SUPT3H: variants seen among roughly 807,000 people sequenced by gnomAD.
SUPT3H encodes the protein SPT3 homolog, SAGA and STAGA complex component, also known as transcription initiation protein SPT3 homolog.
In SUPT3H, 44 loss-of-function variants were observed where a neutral mutation model predicts 44.3. The ratio of observed to expected loss-of-function variants is 0.99; its 90% CI spans 0.78 to 1.28. The LOEUF (loss-of-function observed/expected upper bound fraction) is 1.28, where lower values mean the gene tolerates loss of function less well. SUPT3H is among the 50% of genes most tolerant of loss of function. The pLI, the probability that SUPT3H is intolerant of heterozygous loss-of-function variation, is 0.00. For missense variants in SUPT3H, 380 were observed against 387.1 expected (o/e 0.98, Z 0.15); for synonymous variants, 124 against 125.6 (o/e 0.99, Z 0.09).
At chr6:45,182,736 G>A (rs147492355) in intron 2 of SUPT3H, among the ~76,000 whole-genome samples, 2 of 152,200 alleles carry the variant, frequency 1.3e-5, no homozygotes, top group Admixed American at 1.3e-4. Flanking sequence ...ATGACTTATC[G>A]TTACTTTGAA....
chr6:45,348,405 G>C (rs1473086194), intron 2 of SUPT3H, among the ~76,000 whole-genome samples: 2 of 150,860 alleles, frequency 1.3e-5, no homozygotes, highest in African/African-American at 4.9e-5. Flanking sequence ...GGTGGCTCAC[G>C]CCTGTAATCC....
At chr6:45,248,450 T>C (rs986843500) in intron 2 of SUPT3H, among the ~76,000 whole-genome samples, 1 of 152,152 alleles carries the variant, frequency 6.6e-6, no homozygotes, top group East Asian at 1.9e-4. Context: ...GCTGAGCAGA[T>C]ACTTCACCAA....
chr6:45,335,917 C>G (rs1310901467), intron 2 of SUPT3H, among the ~76,000 whole-genome samples: 1 of 151,122 alleles, frequency 6.6e-6, no homozygotes, highest in Non-Finnish European at 1.5e-5. Flanking sequence ...TTATAAGAGT[C>G]AATGCAAAAA....
chr6:45,272,218 G>A (rs1269870198), intron 2 of SUPT3H, among the ~76,000 whole-genome samples: 2 of 152,146 alleles, frequency 1.3e-5, no homozygotes, highest in Non-Finnish European at 2.9e-5. Context: ...TGAAATGTGA[G>A]GACATGAGAT....
chr6:44,995,901 T>C (rs1156497881), intron 6 of SUPT3H, among the ~76,000 whole-genome samples: 1 of 152,004 alleles, frequency 6.6e-6, no homozygotes, highest in East Asian at 1.9e-4. Flanking sequence ...CATCCTCCAC[T>C]GTCAGCCACT....
intron 5 of SUPT3H, among the ~76,000 whole-genome samples, chr6:45,010,654 A>T (rs553838355): frequency 6.6e-6 from 1 of 152,150 alleles, no homozygotes; most frequent in Non-Finnish European, 1.5e-5. Flanking sequence ...ATCTTGTTGT[A>T]TCCACATATG....
chr6:45,062,602 G>A (rs949999560), intron 3 of SUPT3H, among the ~76,000 whole-genome samples: 7 of 152,164 alleles, frequency 4.6e-5, no homozygotes, highest in East Asian at 3.9e-4. Context: ...CAGTGGGTGC[G>A]CGCACCATGC....
intron 2 of SUPT3H, among the ~76,000 whole-genome samples, chr6:45,283,739 A>G (rs1729530185): frequency 6.6e-6 from 1 of 152,120 alleles, no homozygotes; most frequent in East Asian, 1.9e-4. Flanking sequence ...AACAGACATA[A>G]TAGACATCTA....
chr6:44,911,390 A>G (rs1336152963), intron 10 of SUPT3H, among the ~76,000 whole-genome samples: 1 of 152,178 alleles, frequency 6.6e-6, no homozygotes, highest in Non-Finnish European at 1.5e-5. Context: ...GTTCCAAAGA[A>G]TGTCACTGTT....
chr6:45,048,593 T>C (rs1439883071), intron 3 of SUPT3H, among the ~76,000 whole-genome samples: 1 of 152,174 alleles, frequency 6.6e-6, no homozygotes, highest in East Asian at 1.9e-4. Context: ...GTAGCATTAC[T>C]CCTATGTTCA....
At chr6:45,268,999 C>T (rs1178172043) in intron 2 of SUPT3H, among the ~76,000 whole-genome samples, 3 of 152,018 alleles carry the variant, frequency 2.0e-5, no homozygotes, top group East Asian at 3.9e-4. Flanking sequence ...GAGACATGAA[C>T]ATTATAACTG....
intron 10 of SUPT3H, among the ~76,000 whole-genome samples, chr6:44,888,208 C>G (rs181194882): frequency 2.4e-3 from 360 of 152,318 alleles, no homozygotes; most frequent in African/African-American, 8.0e-3. Context: ...TGGTACCATT[C>G]CTTCTGAAAC....
chr6:45,357,139 T>C (rs549870359), intron 2 of SUPT3H, among the ~76,000 whole-genome samples: 1 of 152,194 alleles, frequency 6.6e-6, no homozygotes, highest in East Asian at 1.9e-4. Flanking sequence ...CCAGAGTAGC[T>C]GGGACTACAG....
At chr6:45,263,856 A>G (rs1774811279) in intron 2 of SUPT3H, among the ~76,000 whole-genome samples, 2 of 152,144 alleles carry the variant, frequency 1.3e-5, no homozygotes, top group African/African-American at 4.8e-5. Flanking sequence ...ATTTCATAAC[A>G]TTGTATATTA....
intron 10 of SUPT3H, among the ~76,000 whole-genome samples, chr6:44,835,434 T>A (rs1769659429): frequency 6.6e-6 from 1 of 151,522 alleles, no homozygotes; most frequent in South Asian, 2.1e-4. Context: ...ATTCTTCACA[T>A]CTTGGGATGT....
At chr6:44,916,469 C>T (rs562704040) in intron 10 of SUPT3H, among the ~76,000 whole-genome samples, 2 of 152,240 alleles carry the variant, frequency 1.3e-5, no homozygotes, top group South Asian at 4.1e-4. Context: ...GGTCTGTTTG[C>T]CCACACAAGG....
At chr6:45,092,432 G>A (rs868781830) in intron 3 of SUPT3H, among the ~76,000 whole-genome samples, 8 of 152,162 alleles carry the variant, frequency 5.3e-5, no homozygotes, top group African/African-American at 1.9e-4. Context: ...TTATTTAATA[G>A]ACTTTCTCTT....
In SUPT3H at chr6:45,229,954, A is replaced by C. The variant is rs192436973; in HGVS notation, c.102-123948T>G. On this transcript the variant is annotated intron_variant, in intron 2 of 10. Coordinates refer to ENST00000371459, the MANE Select transcript of SUPT3H (RefSeq NM_003599.4). ...ACCTAACTATACATTTGTACCCATA[A>C]CCAACCTCTATTCATGGTCCCTTTC... Among the ~76,000 whole-genome samples the C allele has an allele frequency of 1.5e-3, 234 of 152,202 alleles. 1 individual carries two copies. Among genetic ancestry groups the C allele is most frequent in the Non-Finnish European group, 2.3e-3 (155 of 68,004 alleles).
chr6:45,374,020 T>C (rs1189570139), intron 1 of SUPT3H, among the ~76,000 whole-genome samples: 2 of 152,196 alleles, frequency 1.3e-5, no homozygotes, highest in African/African-American at 2.4e-5. Flanking sequence ...ATAAAAATGT[T>C]TGTAAAGTAA....
Sources: gnomAD v4.1 joint callset for allele counts (sites outside exome capture counted in the v4.1 genomes callset) on GRCh38, gnomAD v4.1.1 for gene constraint, MANE v1.5 for transcripts, NCBI Gene and HGNC (gene_info 2026-07-23, HGNC 2026-07-21) for gene names.